The following DEPDC4 variants were observed in gnomAD, a reference collection of about 807,000 sequenced individuals.
DEPDC4 encodes the protein DEP domain containing 4.
A neutral mutation model predicts 52.0 loss-of-function variants in DEPDC4; 52 were observed. The ratio of observed to expected loss-of-function variants is 1.00; its 90% CI spans 0.80 to 1.26. The LOEUF (loss-of-function observed/expected upper bound fraction) is 1.26. DEPDC4 is among the 50% of genes most tolerant of loss of function. The pLI is 0.00. For synonymous variants in DEPDC4, 201 were observed against 196.8 expected, an observed-to-expected ratio of 1.02 and a Z score of -0.18; for missense variants, 530 against 546.9, an observed-to-expected ratio of 0.97 and a Z score of 0.31.
chr12:100,236,799 A>T (rs2096142056), downstream of DEPDC4, among the ~76,000 whole-genome samples: 1 of 152,130 alleles, frequency 6.6e-6, no homozygotes, highest in African/African-American at 2.4e-5. Context: ...ATCTTCTAGA[A>T]TTTTCAAAGT....
the DEPDC4 span, among the ~76,000 whole-genome samples, chr12:100,273,993 C>T: frequency 1.3e-5 from 2 of 152,222 alleles, no homozygotes; most frequent in Non-Finnish European, 2.9e-5. Context: ...TCAAAATCAA[C>T]AGCAGATGTT....
At chr12:100,259,441 C>T (rs1048275732) in intron 3 of DEPDC4, among the ~76,000 whole-genome samples, 2 of 152,002 alleles carry the variant, frequency 1.3e-5, no homozygotes, top group African/African-American at 4.8e-5. Context: ...CCAAGCAAAA[C>T]AGAAAACAAA....
Position 100,266,915 on chromosome 12 carries a change from G to A in DEPDC4, c.157+5C>T, listed in dbSNP as rs1566332814. On this transcript the variant is annotated splice_donor_5th_base_variant and intron_variant, in intron 1 of 9. Transcript: ENST00000550587. ...TGCACATTTGGCTAGGATATACAGG[G>A]CTACCTGTCCTCCTTTTCCGGCAGA... 3.7e-6 allele frequency: 6 copies of A among 1,612,704 alleles called. No homozygotes were observed. Among genetic ancestry groups the A allele is most frequent in the Non-Finnish European group, 5.1e-6 (6 of 1,179,348 alleles).
intron 7 of DEPDC4, among the ~76,000 whole-genome samples, chr12:100,251,955 C>T (rs2096209932): frequency 6.6e-6 from 1 of 152,188 alleles, no homozygotes; most frequent in Admixed American, 6.5e-5. Context: ...ATGCCTCAGT[C>T]TCCCAAAGTG....
At chr12:100,238,982 T>A (rs2153903450), downstream of DEPDC4, among the ~76,000 whole-genome samples, 1 of 152,314 alleles carries the variant, frequency 6.6e-6, no homozygotes, top group Admixed American at 6.5e-5. Context: ...AAAGATGCCA[T>A]AAGCACAGAT....
chr12:100,254,708 C>T (rs2096224962), intron 4 of DEPDC4, among the ~76,000 whole-genome samples: 1 of 151,616 alleles, frequency 6.6e-6, no homozygotes, highest in Non-Finnish European at 1.5e-5. Context: ...TTTCTCCCTC[C>T]CTCCTTCCCT....
intron 8 of DEPDC4, among the ~76,000 whole-genome samples, chr12:100,244,130 TATATAC>T (rs2096174276): frequency 8.3e-6 from 1 of 120,416 alleles, no homozygotes; most frequent in Admixed American, 8.4e-5. Flanking sequence ...TATATATATA[TATATAC>T]ACAAAATACA....
intron 8 of DEPDC4, among the ~76,000 whole-genome samples, chr12:100,246,007 C>T (rs183216327): frequency 2.0e-5 from 3 of 151,898 alleles, no homozygotes; most frequent in Admixed American, 6.6e-5. Flanking sequence ...GTCACCCAAA[C>T]TGAGTTCAGT....
chr12:100,263,463 T>C, intron 2 of DEPDC4, 34 bp downstream of exon 2: 1 of 1,495,180 alleles, frequency 6.7e-7, no homozygotes, highest in Non-Finnish European at 8.9e-7. Context: ...AGGGTCTAAA[T>C]AAAATATATT....
chr12:100,235,288 A>G (rs1377388441), downstream of DEPDC4, among the ~76,000 whole-genome samples: 1 of 151,636 alleles, frequency 6.6e-6, no homozygotes, highest in African/African-American at 2.4e-5. Context: ...TTTTAACCCA[A>G]ACAGGTCAAA....
At chr12:100,278,192 T>G in the DEPDC4 span, among the ~76,000 whole-genome samples, 17 of 152,282 alleles carry the variant, frequency 1.1e-4, no homozygotes, top group South Asian at 2.1e-4. Context: ...CTTTAAGTTT[T>G]TTTTGTTTTG....
chr12:100,273,693 A>G, the DEPDC4 span, among the ~76,000 whole-genome samples: 1 of 152,106 alleles, frequency 6.6e-6, no homozygotes, highest in African/African-American at 2.4e-5. Context: ...TCCCTTACAT[A>G]TCTTGGCACG....
intron 8 of DEPDC4, among the ~76,000 whole-genome samples, chr12:100,245,573 T>G (rs545053014): frequency 4.6e-5 from 7 of 152,368 alleles, no homozygotes; most frequent in African/African-American, 9.6e-5. Flanking sequence ...CCGAGTCACT[T>G]TTCTTCGTAA....
upstream of DEPDC4, among the ~76,000 whole-genome samples, chr12:100,271,281 A>AAAAAAAAAAAAAAAAG (rs869276181): frequency 7.8e-6 from 1 of 128,904 alleles, no homozygotes; most frequent in Admixed American, 8.8e-5. Flanking sequence ...AAAAAAAAAA[A>AAAAAAAAAAAAAAAAG]AGAGAGAGAG....
chr12:100,233,307 A>G (rs1592858310), intron 9 of DEPDC4, among the ~76,000 whole-genome samples: 1 of 152,312 alleles, frequency 6.6e-6, no homozygotes, highest in East Asian at 1.9e-4. Context: ...GCCCCCTGAA[A>G]GATGGAAATA....
intron 8 of DEPDC4, among the ~76,000 whole-genome samples, chr12:100,243,204 CTG>C (rs2096167477): frequency 6.6e-6 from 1 of 152,056 alleles, no homozygotes; most frequent in South Asian, 2.1e-4. Flanking sequence ...TATTTTCTAA[CTG>C]TGGAACGTGA....
intron 9 of DEPDC4, among the ~76,000 whole-genome samples, chr12:100,233,011 A>C (rs2096136828): frequency 6.6e-6 from 1 of 152,182 alleles, no homozygotes; most frequent in Non-Finnish European, 1.5e-5. Context: ...TTTAATCCTA[A>C]CTGCAACAAT....
chr12:100,264,296 C>G (rs1490935342), intron 1 of DEPDC4, among the ~76,000 whole-genome samples: 1 of 152,046 alleles, frequency 6.6e-6, no homozygotes, highest in East Asian at 1.9e-4. Flanking sequence ...TCTTTTTGCC[C>G]TTTTGAACAA....
downstream of DEPDC4, among the ~76,000 whole-genome samples, chr12:100,236,306 C>T (rs1592860041): frequency 6.6e-6 from 1 of 152,290 alleles, no homozygotes; most frequent in East Asian, 1.9e-4. Flanking sequence ...TACATTCCCA[C>T]CAGTAATGTA....
Sources: allele counts gnomAD v4.1 joint callset (sites outside exome capture counted in the v4.1 genomes callset), GRCh38; gene constraint gnomAD v4.1.1; transcripts MANE v1.5; gene names NCBI Gene and HGNC (gene_info 2026-07-23, HGNC 2026-07-21).